The following EEF1D variants were observed in gnomAD, a reference collection of about 807,000 sequenced individuals.
EEF1D encodes eukaryotic translation elongation factor 1 delta.
EEF1D carries 47 observed loss-of-function variants against 63.9 expected under a neutral mutation model. The ratio of observed to expected loss-of-function variants is 0.74; its 90% CI spans 0.58 to 0.94. The LOEUF (loss-of-function observed/expected upper bound fraction) is 0.94. Ranked by LOEUF, EEF1D falls within the 40% of genes least tolerant of loss-of-function variation. The pLI is 0.00. For missense variants in EEF1D, 907 were observed against 899.0 expected (o/e 1.01, Z -0.11); for synonymous variants, 412 against 386.1 (o/e 1.07, Z -0.79).
chr8:143,581,613 G>A, intron 5 of EEF1D: 1 of 521,502 alleles, frequency 1.9e-6, no homozygotes, highest in Non-Finnish European at 3.4e-6. Flanking sequence ...GCGGAATCCT[G>A]CTGAGCAGCC....
chr8:143,580,721 A>T lies in EEF1D; in HGVS notation c.1495T>A (p.Ser499Thr). Residue 499 changes from serine to threonine, a missense_variant, in exon 8 of 10, where the codon TCT becomes ACT. By Grantham distance (58) the Ser-to-Thr change is moderately conservative. Coordinates refer to ENST00000618139, the MANE Select transcript of EEF1D (RefSeq NM_001130053.5). ...GGGGGCTCCACTTGGCGCATGGGAG[A>T]TACGTGCTGCCACAGGGGAAGGGAC... ...RATAPQTQHV[S>T]PMRQVEPPAK... is the part of the protein sequence containing the mutation. 1 of 1,612,930 alleles carries T rather than the reference A, an allele frequency of 6.2e-7. No homozygotes were observed. Among genetic ancestry groups the T allele is most frequent in the South Asian group, 1.1e-5 (1 of 91,074 alleles).
At chr8:143,581,403 G>C in intron 5 of EEF1D, 75 bp from the exon 6 acceptor site, 2 of 1,340,060 alleles carry the variant, frequency 1.5e-6, no homozygotes, top group Non-Finnish European at 2.0e-6. Flanking sequence ...CAGGACTGCA[G>C]GAACTCACGG....
At position 143,586,977 on chromosome 8, in the gene EEF1D, C is replaced by T. The variant is rs113177920; in HGVS notation, c.1092-125G>A. ...CAGACACCAGCGGTTCTCCACAAAG[C>T]GACACCAAGCCCGTAAGCCCTCACC... On this transcript the variant is annotated intron_variant, in intron 3 of 9. Transcript: ENST00000618139. 1.1e-3 allele frequency: 1,431 copies of T among 1,355,370 alleles called. 7 individuals carry two copies. In the African/African-American group the frequency reaches 0.015, roughly 14 times the overall value. 84.0% of individuals were successfully genotyped at this position (1,355,370 alleles called of 1,614,324 possible).
At chr8:143,596,975 G>C (rs1051740103) in intron 1 of EEF1D, 1 of 152,254 alleles carries the variant, frequency 6.6e-6, no homozygotes, top group Admixed American at 6.5e-5. Flanking sequence ...CGTGGTGTAC[G>C]AAGGTCTGCA....
intron 5 of EEF1D, chr8:143,581,812 G>A (rs1339944395): frequency 2.4e-5 from 4 of 163,358 alleles, no homozygotes; most frequent in East Asian, 1.8e-4. Context: ...TGGGCCTCAC[G>A]CCTGCCATCT....
chr8:143,579,961 G>A (rs1340785171), intron 9 of EEF1D, 51 bp downstream of exon 9: 1 of 1,588,270 alleles, frequency 6.3e-7, no homozygotes, highest in Admixed American at 1.7e-5. Context: ...CAGGGTATGG[G>A]CCAGGGTCCC....
In EEF1D at chr8:143,594,121, A is replaced by C. The variant is rs1376288557; in HGVS notation, c.-14-1461T>G. ...TGGCTGCCAGAGAAGCAGTCTTGGA[A>C]ACGCCAGAGCCAGGCCCCAGGGGGA... On this transcript the variant is annotated intron_variant, in intron 1 of 9. Transcript: ENST00000618139. 4 of 161,822 alleles carry C rather than the reference A, an allele frequency of 2.5e-5. No individual in the cohort carries two copies. The Admixed American group carries it at 2.6e-4, about 11-fold the overall frequency. 10.0% of individuals were successfully genotyped at this position (161,822 alleles called of 1,614,324 possible).
chr8:143,582,971 A>G (rs1046389962), intron 5 of EEF1D: 1 of 152,236 alleles, frequency 6.6e-6, no homozygotes, highest in Non-Finnish European at 1.5e-5. Flanking sequence ...CCCCAAATCC[A>G]AGATGAGACT....
intron 5 of EEF1D, chr8:143,582,372 G>C (rs1825728073): frequency 6.6e-6 from 1 of 152,402 alleles, no homozygotes; most frequent in Non-Finnish European, 1.5e-5. Context: ...CGTGAATGGT[G>C]GTGGGGGTAC....
chr8:143,593,928 A>C (rs1057556), intron 1 of EEF1D: 885,165 of 985,178 alleles, frequency 0.9, 401,830 homozygotes, highest in Non-Finnish European at 0.93. Context: ...TGAGCTTCAA[A>C]GCTTGCGCAG....
intron 3 of EEF1D, 97 bp downstream of exon 3, chr8:143,588,894 G>A (rs1474683090): frequency 1.4e-6 from 2 of 1,449,442 alleles, no homozygotes; most frequent in African/African-American, 1.4e-5. Context: ...CCCCACCCCA[G>A]GTGGGCAGGG....
intron 2 of EEF1D, among the ~76,000 whole-genome samples, chr8:143,591,274 G>C (rs1267956473): frequency 2.6e-5 from 4 of 152,204 alleles, no homozygotes; most frequent in Admixed American, 2.0e-4. Flanking sequence ...CTGTGGCCTG[G>C]GAGCCTCAGC....
At chr8:143,585,112 G>T (rs58945510) in intron 5 of EEF1D, among the ~76,000 whole-genome samples, 1 of 152,040 alleles carries the variant, frequency 6.6e-6, no homozygotes, top group Non-Finnish European at 1.5e-5. Context: ...AATCTCCGGC[G>T]CCCACGTCCC....
At position 143,589,695 on chromosome 8, in the gene EEF1D, C is replaced by A; in HGVS notation, c.387G>T (p.Leu129=). ...DQAESSYRQK[L]ADVAAQAAWP... is the part of the protein sequence containing the mutation. ...AGGCTGCCTGGGCAGCCACATCTGC[C>A]AGCTTCTGGCGGTAGGAGCTCTCTG... The change falls in exon 3 of 10, where the codon CTG becomes CTT. Residue 129 remains leucine, a synonymous_variant. Transcript: ENST00000618139. The A allele has an allele frequency of 6.5e-7, 1 of 1,526,988 alleles. No homozygotes were observed. The highest frequency in any genetic ancestry group is 1.3e-5 in the South Asian group (1 of 78,372). The allele number at this position is 1,526,988 out of a possible 1,614,324, so 94.6% of individuals were successfully genotyped here.
intron 1 of EEF1D, chr8:143,593,991 C>T: frequency 1.1e-6 from 1 of 888,578 alleles, no homozygotes. Flanking sequence ...CGGAGCAGGA[C>T]ACAGCGACTC....
At chr8:143,585,713 G>A (rs1453071055) in intron 5 of EEF1D, among the ~76,000 whole-genome samples, 1 of 152,198 alleles carries the variant, frequency 6.6e-6, no homozygotes, top group African/African-American at 2.4e-5. Context: ...CTTGGCCCGG[G>A]GCCTGGAGGC....
intron 5 of EEF1D, 59 bp from the exon 6 acceptor site, chr8:143,581,387 C>T: frequency 6.7e-7 from 1 of 1,500,632 alleles, no homozygotes; most frequent in South Asian, 1.2e-5. Flanking sequence ...GTCCCCCTGC[C>T]ATGCTCAGGA....
intron 1 of EEF1D, among the ~76,000 whole-genome samples, chr8:143,595,116 C>T (rs1828586689): frequency 6.6e-6 from 1 of 152,190 alleles, no homozygotes; most frequent in South Asian, 2.1e-4. Flanking sequence ...TGTCACCAGG[C>T]TGGAGTGCAG....
At chr8:143,584,513 G>A (rs909380589) in intron 5 of EEF1D, among the ~76,000 whole-genome samples, 3 of 152,134 alleles carry the variant, frequency 2.0e-5, no homozygotes, top group Non-Finnish European at 4.4e-5. Flanking sequence ...GTTGCAGTGA[G>A]CCAGGATCAT....
Sources: allele counts gnomAD v4.1 joint callset (sites outside exome capture counted in the v4.1 genomes callset), GRCh38; gene constraint gnomAD v4.1.1; transcripts MANE v1.5; gene names NCBI Gene and HGNC (gene_info 2026-07-23, HGNC 2026-07-21).